FAT1: variants seen among roughly 807,000 people sequenced by gnomAD.
The protein encoded by FAT1 is protocadherin Fat 1.
FAT1 carries 171 observed loss-of-function variants against 329.8 expected under a neutral mutation model. The observed-to-expected ratio is 0.52, with a 90% confidence interval of 0.46 to 0.59. The LOEUF (loss-of-function observed/expected upper bound fraction) is 0.59, where lower values mean the gene tolerates loss of function less well. Ranked by LOEUF, FAT1 falls within the 20% of genes least tolerant of loss-of-function variation. The probability of loss-of-function intolerance (pLI) is 0.00; values close to 1 mark genes in which losing one functional copy is unlikely to be tolerated. For missense variants in FAT1, 5,672 were observed against 5,774.4 expected (o/e 0.98, Z 0.57); for synonymous variants, 2,233 against 2,228.6 (o/e 1.00, Z -0.06).
intron 2 of FAT1, among the ~76,000 whole-genome samples, chr4:186,668,888 A>T (rs1225838140): frequency 6.6e-6 from 1 of 152,098 alleles, no homozygotes; most frequent in Non-Finnish European, 1.5e-5. Flanking sequence ...AACTGTGGTC[A>T]CTCTCAAACC....
At position 186,617,114 on chromosome 4, in the gene FAT1, C is replaced by T. The variant is rs1405747882; in HGVS notation, c.8966G>A (p.Arg2989Lys). ...CGTGATAGTAAGAAGGTAATTGTCC[C>T]TTTTTTCCCTGTCTAGAGGTTTCTT... is the stretch of plus-strand genomic sequence containing the variant. ...YVKKPLDREK[R>K]DNYLLTITAT... The change falls in exon 11 of 27, where the codon AGG (arginine) becomes AAG (lysine). Residue 2989 changes from arginine (R) to lysine (K), a missense_variant. Coordinates refer to ENST00000441802, the MANE Select transcript of FAT1 (RefSeq NM_005245.4). 10 of 1,613,756 alleles carry T rather than the reference C, an allele frequency of 6.2e-6. No individual in the cohort carries two copies. Among genetic ancestry groups the T allele is most frequent in the Non-Finnish European group, 7.6e-6 (9 of 1,179,822 alleles).
intron 26 of FAT1, chr4:186,592,821 A>G (rs1384366467): frequency 8.8e-6 from 4 of 455,494 alleles, no homozygotes; most frequent in South Asian, 1.6e-5. Context: ...TGCATGAAAT[A>G]AAGTTTTGTA....
rs768112536 is a variant in FAT1, at chr4:186,609,223, C to T, written c.10166G>A (p.Arg3389Lys). The change falls in exon 16 of 27, where the codon AGG becomes AAG. Residue 3389 changes from arginine to lysine, a missense_variant. By Grantham distance (26) the Arg-to-Lys change is conservative. Around this residue, in one of 2 missense-constraint regions of FAT1, gnomAD observed 1,706 missense variants for 1,859.1 expected, o/e 0.92. Coordinates refer to ENST00000441802, the MANE Select transcript of FAT1 (RefSeq NM_005245.4). ...AAGTTTGGTCACTTTGACTTCTCCC[C>T]TGACGGGGTCAATTGTGAACGAGCT... ...QGSSFTIDPVRGEVKVTKLLD... is the reference protein window; with the variant it reads ...QGSSFTIDPVKGEVKVTKLLD... 7.4e-6 allele frequency: 12 copies of T among 1,614,014 alleles called. No homozygotes were observed. In the East Asian group the frequency reaches 2.0e-4, roughly 27 times the overall value.
rs2126437885 is a variant in FAT1 at position 186,604,382 on chromosome 4, C to T, written c.10543G>A (p.Val3515Met). Reference sequence around the variant, plus strand: ...ACAAAGAAAGCCATTCATACCTTCACCTGCAGTAAGTAATGATCTTTCTCC... The same window carrying T: ...ACAAAGAAAGCCATTCATACCTTCATCTGCAGTAAGTAATGATCTTTCTCC... ...RKEKDHYLLQ[V>M]KVADNGKPQL... The change falls in exon 18 of 27, where the codon GTG becomes ATG. Residue 3515 changes from valine to methionine, a missense_variant. Val to Met is a conservative substitution (Grantham distance 21). Coordinates refer to ENST00000441802, the MANE Select transcript of FAT1 (RefSeq NM_005245.4). 2 of 1,611,984 alleles carry T rather than the reference C, an allele frequency of 1.2e-6. No individual in the cohort carries two copies. Among genetic ancestry groups the T allele is most frequent in the Non-Finnish European group, 1.7e-6 (2 of 1,178,902 alleles).
At chr4:186,661,277 G>C (rs1742153449) in intron 3 of FAT1, among the ~76,000 whole-genome samples, 1 of 152,172 alleles carries the variant, frequency 6.6e-6, no homozygotes, top group African/African-American at 2.4e-5. Flanking sequence ...CACCTGCCAA[G>C]GCAGGACTCC....
chr4:186,595,296 G>GGTGT (rs34794741), intron 26 of FAT1, among the ~76,000 whole-genome samples: 4 of 149,852 alleles, frequency 2.7e-5, no homozygotes, highest in East Asian at 2.0e-4. Flanking sequence ...TCTTAGAGGG[G>GGTGT]GTGTGTGTGT....
At position 186,600,028 on chromosome 4, in the gene FAT1, G is replaced by A. The variant is rs2126410821; in HGVS notation, c.11973C>T (p.Ser3991=). ...CGATGTGTGCATAGCTTCTGGGTTT[G>A]CTGTTTAAAGGGAGCTCCTGCCCAT... ...YLNGQELPLN[S]KPRSYAHIEE... The change falls in exon 22 of 27, where the codon AGC becomes AGT. Residue 3991 remains serine, a synonymous_variant. Transcript: ENST00000441802. 1 of 1,614,018 alleles carries A rather than the reference G, an allele frequency of 6.2e-7. No homozygotes were observed. Among genetic ancestry groups the A allele is most frequent in the Non-Finnish European group, 8.5e-7 (1 of 1,179,884 alleles).
intron 11 of FAT1, among the ~76,000 whole-genome samples, chr4:186,616,456 G>C (rs1739716876): frequency 6.6e-6 from 1 of 151,828 alleles, no homozygotes; most frequent in Non-Finnish European, 1.5e-5. Flanking sequence ...CCCTTTCTCT[G>C]GGCAGCCCTT....
intron 3 of FAT1, among the ~76,000 whole-genome samples, chr4:186,650,158 CAGG>C (rs1741567946): frequency 6.6e-6 from 1 of 152,184 alleles, no homozygotes; most frequent in Admixed American, 6.5e-5. Context: ...TGCTTTCCCT[CAGG>C]AGGAGGAGAG....
In FAT1 at chr4:186,588,814, G is replaced by C. The variant is rs753512486; in HGVS notation, c.13545C>G (p.Pro4515=). Residue 4515 remains proline (P), a synonymous_variant, in exon 27 of 27, where the codon CCC becomes CCG. Transcript: ENST00000441802. The part of the protein sequence containing the change: ...GTGENSTCRE[P]HAPYPPGYQR... Reference sequence around the variant, plus strand: ...GATACCCTGGCGGGTAAGGGGCATGGGGTTCTCTACAAGTACTATTCTCAC... The same window carrying C: ...GATACCCTGGCGGGTAAGGGGCATGCGGTTCTCTACAAGTACTATTCTCAC... 2 of 1,613,990 alleles carry C rather than the reference G, an allele frequency of 1.2e-6. No individual in the cohort carries two copies. Among genetic ancestry groups the C allele is most frequent in the Non-Finnish European group, 1.7e-6 (2 of 1,179,896 alleles).
At chr4:186,608,816 T>A (rs984012198) in intron 16 of FAT1, among the ~76,000 whole-genome samples, 1 of 152,190 alleles carries the variant, frequency 6.6e-6, no homozygotes, top group African/African-American at 2.4e-5. Flanking sequence ...TTGGCTTCTA[T>A]CTGCATGCCT....
At chr4:186,636,535 G>T (rs758179499) in intron 5 of FAT1, 50 bp downstream of exon 5, 5 of 1,497,002 alleles carry the variant, frequency 3.3e-6, no homozygotes, top group Non-Finnish European at 4.5e-6. Flanking sequence ...ACAAAATAAG[G>T]TTTATAGTCA....
rs1739288950 is a variant in FAT1 at position 186,609,376 on chromosome 4, T to C, written c.10069-56A>G. On this transcript the variant is annotated intron_variant, in intron 15 of 26. Coordinates refer to ENST00000441802, the MANE Select transcript of FAT1 (RefSeq NM_005245.4). The stretch of plus-strand genomic sequence containing the variant: ...CAGCTAAGAAGAGGCCTAAACCTAT[T>C]ACACAAAATTTGTGATATTAATAGC... 3 of 1,553,946 alleles carry C rather than the reference T, an allele frequency of 1.9e-6. No homozygotes were observed. The African/African-American group carries it at 4.2e-5, about 22-fold the overall frequency.
rs146344816 is a variant in FAT1, at chr4:186,591,176, T to C, written c.13139-1956A>G. On this transcript the variant is annotated intron_variant, in intron 26 of 26. Coordinates refer to ENST00000441802, the MANE Select transcript of FAT1 (RefSeq NM_005245.4). ...GGGTGAAAATCCGTTAGAGTTGTTA[T>C]GAGGATTAAACAGGATCATGCAGGT... 2.9e-3 allele frequency among the ~76,000 whole-genome samples: 444 copies of C among 152,358 alleles called. 5 individuals carry two copies. The highest frequency in any genetic ancestry group is 9.9e-3 in the African/African-American group (413 of 41,586).
In FAT1 at chr4:186,709,132, A is replaced by C. The variant is rs1264268655; in HGVS notation, c.696T>G (p.Tyr232Ter). ...CCATGCTGCTGATGCCACTGCTCCC[A>C]TACAACTTCATGCCACGGTCCGCAG... ...ILAADRGMKL[Y>*]GSSGISSMAK... The change falls in exon 2 of 27, where the codon TAT becomes TAG. Residue 232 changes from tyrosine to a stop codon, truncating the protein, a stop_gained. Transcript: ENST00000441802. LOFTEE classifies it high-confidence loss of function. The C allele has an allele frequency of 6.2e-7, 1 of 1,613,974 alleles. No individual in the cohort carries two copies. The highest frequency in any genetic ancestry group is 8.5e-7 in the Non-Finnish European group (1 of 1,179,866).
At chr4:186,666,405 A>G (rs1486492685) in intron 2 of FAT1, among the ~76,000 whole-genome samples, 1 of 152,184 alleles carries the variant, frequency 6.6e-6, no homozygotes, top group Non-Finnish European at 1.5e-5. Flanking sequence ...CCTCTGATTC[A>G]TCACATCTAT....
At position 186,620,348 on chromosome 4, in the gene FAT1, C is replaced by A. The variant is rs2126514764; in HGVS notation, c.6238G>T (p.Val2080Leu). 2 of 1,613,970 alleles carry A rather than the reference C, an allele frequency of 1.2e-6. No homozygotes were observed. The highest frequency in any genetic ancestry group is 1.7e-6 in the Non-Finnish European group (2 of 1,179,892). The change falls in exon 10 of 27, where the codon GTG becomes TTG. Residue 2080 changes from valine to leucine, a missense_variant. Val to Leu is a conservative substitution (Grantham distance 32). Transcript: ENST00000441802. ...IVEDQNDNAPVFVNLPYYAVV... is the reference protein window; with the variant it reads ...IVEDQNDNAPLFVNLPYYAVV... The stretch of plus-strand genomic sequence containing the variant: ...GCGTAGTAGGGAAGGTTGACAAACA[C>A]CGGCGCATTATCATTTTGGTCTTCT...
At chr4:186,647,993 T>C (rs1741457630) in intron 3 of FAT1, among the ~76,000 whole-genome samples, 1 of 152,186 alleles carries the variant, frequency 6.6e-6, no homozygotes, top group African/African-American at 2.4e-5. Context: ...AAACTTACAC[T>C]GTTTGGGTAA....
At chr4:186,610,101 T>A in intron 14 of FAT1, 86 bp from the exon 15 acceptor site, 1 of 758,188 alleles carries the variant, frequency 1.3e-6, no homozygotes, top group Non-Finnish European at 2.2e-6. Context: ...TGCTTTTGAG[T>A]ACATTTAGTT....
Sources: gnomAD v4.1 joint callset for allele counts (sites outside exome capture counted in the v4.1 genomes callset) on GRCh38, gnomAD v4.1.1 for gene constraint, gnomAD v4.1.1 regional missense constraint, MANE v1.5 for transcripts, NCBI Gene and HGNC (gene_info 2026-07-23, HGNC 2026-07-21) for gene names.